The following ZNF469 variants were observed in gnomAD, a reference collection of about 807,000 sequenced individuals.
ZNF469 encodes the protein zinc finger protein 469.
ZNF469 carries 1 observed loss-of-function variant against 1.0 expected under a neutral mutation model. The observed-to-expected ratio is 1.00, with a 90% CI of 0.35 to 4.73. The LOEUF (loss-of-function observed/expected upper bound fraction) is 4.73. Among genes scored for constraint, ZNF469 ranks in the 30% most tolerant of loss-of-function variants. ZNF469 has a pLI of 0.16. For missense variants in ZNF469, 6,100 were observed against 5,356.3 expected, an observed-to-expected ratio of 1.14 and a Z score of -4.33; for synonymous variants, 2,703 against 2,363.4, an observed-to-expected ratio of 1.14 and a Z score of -4.17.
the ZNF469 span, among the ~76,000 whole-genome samples, chr16:88,225,720 C>G: frequency 6.6e-6 from 1 of 152,122 alleles, no homozygotes; most frequent in Non-Finnish European, 1.5e-5. Flanking sequence ...GATCCCTGCC[C>G]TTCCCATCAC....
chr16:88,264,262 C>T, the ZNF469 span, among the ~76,000 whole-genome samples: 10 of 152,062 alleles, frequency 6.6e-5, no homozygotes, highest in African/African-American at 2.2e-4. Flanking sequence ...GAGGAGCGGA[C>T]GCCCCGTGGC....
At chr16:88,240,841 C>T in the ZNF469 span, among the ~76,000 whole-genome samples, 1 of 152,166 alleles carries the variant, frequency 6.6e-6, no homozygotes, top group Non-Finnish European at 1.5e-5. Context: ...ACTTCCCCTC[C>T]CCAGCTGACG....
chr16:88,209,801 C>G, the ZNF469 span, among the ~76,000 whole-genome samples: 3 of 152,344 alleles, frequency 2.0e-5, no homozygotes, highest in Non-Finnish European at 2.9e-5. Context: ...CATTCAACCT[C>G]TCTCCTGTCT....
At chr16:88,290,718 C>T in the ZNF469 span, among the ~76,000 whole-genome samples, 1 of 152,186 alleles carries the variant, frequency 6.6e-6, no homozygotes. Flanking sequence ...CTGGTTCTGC[C>T]CAATTTTGTG....
At position 88,435,120 on chromosome 16, in the gene ZNF469, C is replaced by A; in HGVS notation, c.7650C>A (p.Thr2550=). Residue 2550 remains threonine (T), a synonymous_variant, in exon 3 of 3, where the codon ACC becomes ACA. Transcript: ENST00000565624. ...CACGGGGAGACCCCAGCCACGTCACCCAGCCACCGCCTGCCCAGGGCTCAA... is the reference window on the plus strand; with the variant it reads ...CACGGGGAGACCCCAGCCACGTCACACAGCCACCGCCTGCCCAGGGCTCAA... ...NHSRGDPSHV[T]QPPPAQGSKE... 6.5e-7 allele frequency: 1 copy of A among 1,550,372 alleles called. No individual in the cohort carries two copies. Among genetic ancestry groups the A allele is most frequent in the Non-Finnish European group, 8.7e-7 (1 of 1,146,970 alleles).
At position 88,440,693 on chromosome 16, in the gene ZNF469, G is replaced by A. The variant is rs1906935650; in HGVS notation, c.*1361G>A. On this transcript the variant is annotated 3_prime_UTR_variant, in exon 3 of 3. Coordinates refer to ENST00000565624, the MANE Select transcript of ZNF469 (RefSeq NM_001367624.2). ...CCAAGTGCGGAGGGGCCCTGAGGTT[G>A]TACTGTAAACATCATAGTGACTTGT... is the stretch of plus-strand genomic sequence containing the variant. 6.6e-6 allele frequency: 1 copy of A among 152,166 alleles called. No individual in the cohort carries two copies. The highest frequency in any genetic ancestry group is 2.4e-5 in the African/African-American group (1 of 41,410). 9.4% of individuals were successfully genotyped at this position (152,166 alleles called of 1,614,324 possible).
chr16:88,374,811 C>T, the ZNF469 span, among the ~76,000 whole-genome samples: 3 of 148,716 alleles, frequency 2.0e-5, no homozygotes, highest in Non-Finnish European at 4.4e-5. Flanking sequence ...GAGCTGTGAG[C>T]GGCTGTATCT....
intron 1 of ZNF469, among the ~76,000 whole-genome samples, chr16:88,398,155 C>G (rs546863645): frequency 6.6e-6 from 1 of 152,256 alleles, no homozygotes; most frequent in Non-Finnish European, 1.5e-5. Context: ...GTCAGAAGTC[C>G]TGGTTGCAAC....
the ZNF469 span, among the ~76,000 whole-genome samples, chr16:88,300,316 G>C: frequency 6.6e-6 from 1 of 152,142 alleles, no homozygotes; most frequent in African/African-American, 2.4e-5. Flanking sequence ...TTACAGTCGG[G>C]AGACCCAAGT....
chr16:88,296,735 C>A, the ZNF469 span, among the ~76,000 whole-genome samples: 48 of 150,938 alleles, frequency 3.2e-4, no homozygotes, highest in African/African-American at 1.1e-3. Context: ...CATGCTCCAC[C>A]CACACACACA....
At chr16:88,293,241 G>T in the ZNF469 span, among the ~76,000 whole-genome samples, 1 of 151,762 alleles carries the variant, frequency 6.6e-6, no homozygotes, top group South Asian at 2.1e-4. Context: ...TGGATGAATG[G>T]ATGAATGGGT....
At position 88,435,997 on chromosome 16, in the gene ZNF469, G is replaced by A. The variant is rs1418771816; in HGVS notation, c.8527G>A (p.Gly2843Ser). The A allele has an allele frequency of 6.5e-7, 1 of 1,550,184 alleles. No individual in the cohort carries two copies. Reference protein sequence around the residue: ...GPEGPTPDASGSSAKDPPSLF... With the variant: ...GPEGPTPDASSSSAKDPPSLF... ...TGAAGGCCCCACTCCTGATGCCTCTGGCTCCAGTGCCAAGGATCCTCCAAG... is the reference window on the plus strand; with the variant it reads ...TGAAGGCCCCACTCCTGATGCCTCTAGCTCCAGTGCCAAGGATCCTCCAAG... Residue 2843 changes from glycine (G) to serine (S), a missense_variant, in exon 3 of 3, where the codon GGC becomes AGC. Coordinates refer to ENST00000565624, the MANE Select transcript of ZNF469 (RefSeq NM_001367624.2).
At chr16:88,192,811 A>ACGGTGATGGTGGTGG in the ZNF469 span, among the ~76,000 whole-genome samples, 2 of 49,422 alleles carry the variant, frequency 4.0e-5, no homozygotes, top group Non-Finnish European at 8.8e-5. Flanking sequence ...GATGGTAATG[A>ACGGTGATGGTGGTGG]TGGTGATGGT....
chr16:88,105,154 A>G, the ZNF469 span, among the ~76,000 whole-genome samples: 2 of 152,198 alleles, frequency 1.3e-5, no homozygotes, highest in South Asian at 4.1e-4. Context: ...TGGGAAGGTC[A>G]AGGCTGCAGT....
chr16:88,380,987 CACACAG>C (rs537071111), upstream of ZNF469, among the ~76,000 whole-genome samples: 1,046 of 137,854 alleles, frequency 7.6e-3, 38 homozygotes, highest in African/African-American at 0.029. Flanking sequence ...CATATGCACT[CACACAG>C]ACATGCACTC....
chr16:88,126,650 T>C, the ZNF469 span, among the ~76,000 whole-genome samples: 1 of 143,230 alleles, frequency 7.0e-6, no homozygotes, highest in Non-Finnish European at 1.5e-5. Context: ...CGATAATATG[T>C]TTTTTGTTTT....
chr16:88,384,961 G>A (rs999155843), intron 1 of ZNF469, among the ~76,000 whole-genome samples: 1 of 152,164 alleles, frequency 6.6e-6, no homozygotes, highest in Non-Finnish European at 1.5e-5. Context: ...GGAATGCACT[G>A]GTCCATCATC....
chr16:88,284,589 C>T, the ZNF469 span, among the ~76,000 whole-genome samples: 3 of 131,294 alleles, frequency 2.3e-5, no homozygotes, highest in Admixed American at 9.3e-5. Context: ...CCAGCCTGGG[C>T]GACAGAGGGA....
the ZNF469 span, among the ~76,000 whole-genome samples, chr16:88,110,201 C>A: frequency 0.07 from 10,714 of 152,280 alleles, 643 homozygotes; most frequent in East Asian, 0.19. Flanking sequence ...GCCGCCCCAC[C>A]CCAGTACCCG....
Sources: allele counts gnomAD v4.1 joint callset (sites outside exome capture counted in the v4.1 genomes callset), GRCh38; gene constraint gnomAD v4.1.1; transcripts MANE v1.5; gene names NCBI Gene and HGNC (gene_info 2026-07-23, HGNC 2026-07-21).